The following PCDHA1 variants were observed in gnomAD, a reference collection of about 807,000 sequenced individuals.
PCDHA1 encodes the protein protocadherin alpha 1, also known as protocadherin alpha-1.
PCDHA1 carries 42 observed loss-of-function variants against 61.3 expected under a neutral mutation model. That is an observed-to-expected ratio of 0.69 (90% CI 0.54 to 0.89). The LOEUF (loss-of-function observed/expected upper bound fraction) is 0.89. Among genes scored for constraint, PCDHA1 ranks in the 40% least tolerant of loss-of-function variants. The pLI, the probability that PCDHA1 is intolerant of heterozygous loss-of-function variation, is 0.00. For synonymous variants in PCDHA1, 610 were observed against 553.8 expected (o/e 1.10, Z -1.43); for missense variants, 1,256 against 1,235.3 (o/e 1.02, Z -0.25).
intron 1 of PCDHA1, chr5:140,930,126 C>T (rs1286889846): frequency 6.6e-6 from 1 of 152,108 alleles, no homozygotes; most frequent in Non-Finnish European, 1.5e-5. Flanking sequence ...GGATATAGGA[C>T]TTGACAACCT....
chr5:140,877,049 A>G (rs1554169270), intron 1 of PCDHA1: 4 of 1,612,684 alleles, frequency 2.5e-6, no homozygotes, highest in Middle Eastern at 3.9e-4. Context: ...CTAGACCACG[A>G]GGAGCTGGAG....
At position 140,851,857 on chromosome 5, in the gene PCDHA1, C is replaced by T. The variant is rs532607539; in HGVS notation, c.2394+63173C>T. 3 of 972,984 alleles carry T rather than the reference C, an allele frequency of 3.1e-6. No individual in the cohort carries two copies. The African/African-American group carries it at 5.3e-5, about 17-fold the overall frequency. The allele number at this position is 972,984 out of a possible 1,614,324, so 60.3% of individuals were successfully genotyped here. ...AAAATATCTTTTTCTCCTCTCAGCT[C>T]ATACATAACACAAGGCAGAAATCTG... is the stretch of plus-strand genomic sequence containing the variant. On this transcript the variant is annotated intron_variant, in intron 1 of 3. Coordinates refer to ENST00000504120, the MANE Select transcript of PCDHA1 (RefSeq NM_018900.4).
Position 140,969,604 on chromosome 5 carries a change from AAC to A in PCDHA1, c.2395-9341_2395-9340del. 5.2e-6 allele frequency: 4 copies of A among 765,156 alleles called. No homozygotes were observed. The South Asian group carries it at 6.3e-5, about 12-fold the overall frequency. 47.4% of individuals were successfully genotyped at this position (765,156 alleles called of 1,614,324 possible). A position where few individuals can be genotyped will look rare whatever the true frequency, so the allele number is the denominator to read the frequency against. On this transcript the variant is annotated intron_variant, in intron 1 of 3. Transcript: ENST00000504120. Reference sequence around the variant, plus strand: ...GATTAGTCTTAATATTTAATGCTAAAACACAGATTTGTAGAGAAACAGGACAG... The same window carrying A: ...GATTAGTCTTAATATTTAATGCTAAAACAGATTTGTAGAGAAACAGGACAG...
intron 1 of PCDHA1, chr5:140,969,110 C>G (rs1380719565): frequency 2.5e-6 from 4 of 1,614,064 alleles, no homozygotes; most frequent in South Asian, 2.2e-5. Context: ...CATTGAAGTT[C>G]GAGGGAATGG....
At chr5:140,864,340 A>ACAT (rs1554158797) in intron 1 of PCDHA1, 2 of 152,232 alleles carry the variant, frequency 1.3e-5, no homozygotes, top group African/African-American at 4.8e-5. Flanking sequence ...TTGAGTTTAA[A>ACAT]ACATGTTTAA....
At chr5:140,840,642 A>G (rs1776791475) in intron 1 of PCDHA1, among the ~76,000 whole-genome samples, 1 of 152,086 alleles carries the variant, frequency 6.6e-6, no homozygotes, top group Non-Finnish European at 1.5e-5. Flanking sequence ...ATATAGAGAA[A>G]TAGTGTAAAG....
intron 1 of PCDHA1, chr5:140,856,526 G>C (rs1461628453): frequency 6.3e-7 from 1 of 1,598,340 alleles, no homozygotes; most frequent in Non-Finnish European, 8.6e-7. Context: ...ATCTGATGCG[G>C]ATGTTGGAGA....
chr5:140,795,361 T>C (rs1761949603), intron 1 of PCDHA1: 1 of 1,614,180 alleles, frequency 6.2e-7, no homozygotes, highest in Non-Finnish European at 8.5e-7. Context: ...CCCGCCAATA[T>C]TTCCAATGAC....
chr5:140,985,289 T>C (rs2097145554), intron 3 of PCDHA1, among the ~76,000 whole-genome samples: 2 of 152,172 alleles, frequency 1.3e-5, no homozygotes, highest in African/African-American at 4.8e-5. Flanking sequence ...ATCTATGATA[T>C]AGTGTTGGCT....
chr5:140,975,579 A>G (rs1464978366), intron 1 of PCDHA1, among the ~76,000 whole-genome samples: 3 of 152,244 alleles, frequency 2.0e-5, no homozygotes, highest in Non-Finnish European at 4.4e-5. Context: ...ATGCAGTCTC[A>G]TGTCCCAGAG....
At chr5:140,955,008 C>T (rs1393836611) in intron 1 of PCDHA1, among the ~76,000 whole-genome samples, 2 of 152,142 alleles carry the variant, frequency 1.3e-5, no homozygotes, top group Non-Finnish European at 2.9e-5. Flanking sequence ...CCAATTCTCC[C>T]AGCACCATTT....
chr5:140,884,409 C>A (rs373513056), intron 1 of PCDHA1: 1 of 1,613,992 alleles, frequency 6.2e-7, no homozygotes, highest in Non-Finnish European at 8.5e-7. Context: ...TTGGTGCTCA[C>A]GTTGCTGCTG....
At chr5:140,852,691 T>C (rs1027871378) in intron 1 of PCDHA1, 4 of 974,686 alleles carry the variant, frequency 4.1e-6, no homozygotes, top group East Asian at 1.1e-4. Context: ...TATAGTCTTA[T>C]ACTTTCAAGT....
chr5:140,868,001 TG>T (rs1353110164), intron 1 of PCDHA1: 4 of 152,120 alleles, frequency 2.6e-5, no homozygotes, highest in Non-Finnish European at 5.9e-5. Context: ...TGAATATAAC[TG>T]AATTAGATTA....
intron 1 of PCDHA1, among the ~76,000 whole-genome samples, chr5:140,942,026 A>G (rs1394001505): frequency 6.6e-6 from 1 of 152,194 alleles, no homozygotes; most frequent in Non-Finnish European, 1.5e-5. Flanking sequence ...GGAAAAAATA[A>G]TTCATAAACC....
intron 1 of PCDHA1, chr5:140,797,320 A>G (rs782081459): frequency 1.9e-6 from 3 of 1,614,212 alleles, no homozygotes; most frequent in African/African-American, 2.7e-5. Flanking sequence ...CGCAGAAGAG[A>G]AACAGCTCTC....
At chr5:140,861,347 G>C (rs2046872625) in intron 1 of PCDHA1, 2 of 297,216 alleles carry the variant, frequency 6.7e-6, no homozygotes, top group Non-Finnish European at 6.8e-6. Context: ...GGCCAAGGAC[G>C]GCACATAGCG....
chr5:140,930,803 T>C (rs1227085867), intron 1 of PCDHA1, among the ~76,000 whole-genome samples: 2 of 152,222 alleles, frequency 1.3e-5, no homozygotes, highest in Non-Finnish European at 2.9e-5. Context: ...ATCCAGCATA[T>C]AAGATATGCT....
chr5:140,865,755 A>C (rs1390578535), intron 1 of PCDHA1: 1 of 152,226 alleles, frequency 6.6e-6, no homozygotes, highest in Non-Finnish European at 1.5e-5. Flanking sequence ...GTGCCAGTAC[A>C]TGGTGGAGAT....
Sources: allele counts gnomAD v4.1 joint callset (sites outside exome capture counted in the v4.1 genomes callset), GRCh38; gene constraint gnomAD v4.1.1; transcripts MANE v1.5; gene names NCBI Gene and HGNC (gene_info 2026-07-23, HGNC 2026-07-21).